Variants in MDGA2 observed in about 807,000 individuals in gnomAD.
The protein encoded by MDGA2 is MAM domain containing glycosylphosphatidylinositol anchor 2, also known as MAM domain-containing glycosylphosphatidylinositol anchor protein 2.
A neutral mutation model predicts 117.8 loss-of-function variants in MDGA2; 40 were observed. The ratio of observed to expected loss-of-function variants is 0.34; its 90% CI spans 0.26 to 0.44. MDGA2 has a LOEUF of 0.44. Ranked by LOEUF, MDGA2 falls within the 20% of genes least tolerant of loss-of-function variation. The probability of loss-of-function intolerance (pLI) is 1.00; values close to 1 mark genes in which losing one functional copy is unlikely to be tolerated. For synonymous variants in MDGA2, 452 were observed against 439.0 expected (o/e 1.03, Z -0.37); for missense variants, 1,123 against 1,250.6 (o/e 0.90, Z 1.54).
At chr14:47,323,016 A>G (rs1890025983) in intron 1 of MDGA2, among the ~76,000 whole-genome samples, 1 of 151,696 alleles carries the variant, frequency 6.6e-6, no homozygotes, top group South Asian at 2.1e-4. Flanking sequence ...GATGGTGCCT[A>G]AGGCTCTTTC....
At chr14:47,615,626 A>G (rs1896934202) in intron 1 of MDGA2, among the ~76,000 whole-genome samples, 1 of 152,252 alleles carries the variant, frequency 6.6e-6, no homozygotes, top group Admixed American at 6.5e-5. Flanking sequence ...GACAGAGGAT[A>G]GAAGGAAGAG....
chr14:47,000,084 A>G (rs1010595447), intron 8 of MDGA2, among the ~76,000 whole-genome samples: 2 of 151,730 alleles, frequency 1.3e-5, no homozygotes, highest in East Asian at 1.9e-4. Flanking sequence ...AACTGCAATT[A>G]TATGTATAAA....
chr14:47,408,078 G>GTTT (rs1566772553), intron 1 of MDGA2, among the ~76,000 whole-genome samples: 15 of 136,488 alleles, frequency 1.1e-4, no homozygotes, highest in African/African-American at 2.7e-4. Context: ...TTTTTTTTTG[G>GTTT]TGGCATCTTG....
intron 6 of MDGA2, among the ~76,000 whole-genome samples, chr14:47,071,311 A>G (rs1476235997): frequency 6.6e-6 from 1 of 152,180 alleles, no homozygotes; most frequent in East Asian, 1.9e-4. Context: ...AATGCCCTGC[A>G]GGTATAGAGT....
In MDGA2 at chr14:47,446,248, C is replaced by T. The variant is rs1893119303; in HGVS notation, c.281-144698G>A. On this transcript the variant is annotated intron_variant, in intron 1 of 16. Coordinates refer to ENST00000399232, the MANE Select transcript of MDGA2 (RefSeq NM_001113498.3). ...CATCTTGGGAATTTTGTCTTCTTAC[C>T]TACTCACAAAGAAGCAGGGGAAAAT... Among the ~76,000 whole-genome samples the T allele has an allele frequency of 2.0e-5, 3 of 152,084 alleles. No homozygotes were observed. The South Asian group carries it at 6.2e-4, about 32-fold the overall frequency.
intron 10 of MDGA2, among the ~76,000 whole-genome samples, chr14:46,918,952 C>T (rs931169965): frequency 5.9e-5 from 9 of 151,718 alleles, no homozygotes; most frequent in African/African-American, 1.2e-4. Context: ...TTAGTAGAGA[C>T]GGGGTTTCAC....
intron 1 of MDGA2, among the ~76,000 whole-genome samples, chr14:47,558,046 A>G (rs1895717977): frequency 6.6e-6 from 1 of 152,226 alleles, no homozygotes; most frequent in Non-Finnish European, 1.5e-5. Context: ...GACTTTAAAA[A>G]GTAGAATCCT....
At chr14:47,223,905 G>A (rs1380964860) in intron 2 of MDGA2, among the ~76,000 whole-genome samples, 4 of 152,070 alleles carry the variant, frequency 2.6e-5, no homozygotes, top group Non-Finnish European at 4.4e-5. Flanking sequence ...GAAGTGCCAA[G>A]CAAAGCTGGA....
chr14:47,643,507 T>C (rs1198894670), intron 1 of MDGA2, among the ~76,000 whole-genome samples: 7 of 152,010 alleles, frequency 4.6e-5, no homozygotes, highest in Non-Finnish European at 4.4e-5. Context: ...CATCCCCTAG[T>C]AGTAGTTTAA....
intron 1 of MDGA2, among the ~76,000 whole-genome samples, chr14:47,478,178 A>G (rs7145388): frequency 0.031 from 4,753 of 152,308 alleles, 251 homozygotes; most frequent in African/African-American, 0.11. Context: ...GTTGACTAGT[A>G]GAAATTTAGT....
At chr14:46,881,396 G>T (rs910638419) in intron 11 of MDGA2, among the ~76,000 whole-genome samples, 5 of 152,082 alleles carry the variant, frequency 3.3e-5, no homozygotes, top group Admixed American at 2.0e-4. Context: ...AACTTTTCAG[G>T]CAGTGAAACT....
chr14:47,488,962 TA>T (rs957263345), intron 1 of MDGA2, among the ~76,000 whole-genome samples: 1 of 151,928 alleles, frequency 6.6e-6, no homozygotes, highest in Non-Finnish European at 1.5e-5. Flanking sequence ...ACAACATAAT[TA>T]AAAAACTAAT....
chr14:47,026,748 T>C (rs1158158791), intron 8 of MDGA2, among the ~76,000 whole-genome samples: 1 of 152,148 alleles, frequency 6.6e-6, no homozygotes, highest in East Asian at 1.9e-4. Flanking sequence ...ACAGAACTTT[T>C]ATAGTCATAC....
Position 47,665,463 on chromosome 14 carries a change from C to T in MDGA2, c.280+9054G>A, listed in dbSNP as rs560311311. Among the ~76,000 whole-genome samples, 476 of 152,300 alleles carry T rather than the reference C, an allele frequency of 3.1e-3. 1 individual carries two copies. The highest frequency in any genetic ancestry group is 0.011 in the African/African-American group (450 of 41,564). On this transcript the variant is annotated intron_variant, in intron 1 of 16. Transcript: ENST00000399232. ...GGAGCCCTTCAGTCCGCCGCTGCAC[C>T]GTGGGAGCCCTTCTCCGGGCTGGCT...
chr14:46,877,604 G>T, intron 11 of MDGA2, 95 bp from the exon 12 acceptor site: 1 of 809,866 alleles, frequency 1.2e-6, no homozygotes, highest in Non-Finnish European at 1.9e-6. Context: ...GTGTCTCATA[G>T]TTCCTTACCA....
At chr14:47,128,762 T>A (rs1452385535) in intron 5 of MDGA2, among the ~76,000 whole-genome samples, 1 of 151,198 alleles carries the variant, frequency 6.6e-6, no homozygotes, top group African/African-American at 2.4e-5. Context: ...TGGCGCTATC[T>A]CAGCTCACTG....
chr14:47,202,891 T>C (rs992110405), intron 3 of MDGA2, among the ~76,000 whole-genome samples: 2 of 149,488 alleles, frequency 1.3e-5, no homozygotes, highest in Admixed American at 6.6e-5. Flanking sequence ...CTATAGAACT[T>C]ATATAACACA....
chr14:47,328,616 C>G (rs1476568976), intron 1 of MDGA2, among the ~76,000 whole-genome samples: 1 of 152,140 alleles, frequency 6.6e-6, no homozygotes, highest in African/African-American at 2.4e-5. Context: ...TCTGAAAGAA[C>G]TGTGTCCCTG....
chr14:47,133,238 C>G (rs539050923), intron 4 of MDGA2, among the ~76,000 whole-genome samples: 1 of 151,856 alleles, frequency 6.6e-6, no homozygotes, highest in South Asian at 2.1e-4. Flanking sequence ...CTATATGTTT[C>G]TAGAGTTTAT....
Sources: gnomAD v4.1 joint callset for allele counts (sites outside exome capture counted in the v4.1 genomes callset) on GRCh38, gnomAD v4.1.1 for gene constraint, MANE v1.5 for transcripts, NCBI Gene and HGNC (gene_info 2026-07-23, HGNC 2026-07-21) for gene names.